The following TCF4 variants were observed in gnomAD, a reference collection of about 807,000 sequenced individuals.
TCF4 encodes the protein SL3-3 enhancer factor 2.
A neutral mutation model predicts 82.1 loss-of-function variants in TCF4; 3 were observed. The observed-to-expected ratio is 0.04, with a 90% CI of 0.02 to 0.09. The LOEUF is 0.09. Ranked by LOEUF, TCF4 falls within the 10% of genes least tolerant of loss-of-function variation. The pLI is 1.00. For missense variants in TCF4, 518 were observed against 852.7 expected (o/e 0.61, Z 4.89); for synonymous variants, 276 against 309.6 (o/e 0.89, Z 1.14).
At chr18:55,615,901 T>C (rs1185105386) in intron 2 of TCF4, among the ~76,000 whole-genome samples, 2 of 152,184 alleles carry the variant, frequency 1.3e-5, no homozygotes, top group Non-Finnish European at 2.9e-5. Context: ...TTTGATATGC[T>C]AAAATTTTGT....
chr18:55,254,842 T>C, intron 14 of TCF4, 142 bp from the exon 15 acceptor site: 1 of 809,384 alleles, frequency 1.2e-6, no homozygotes, highest in Non-Finnish European at 2.1e-6. Flanking sequence ...AAAACAATAA[T>C]ACAAATAGTG....
At position 55,280,213 on chromosome 18, in the gene TCF4, G is replaced by A. The variant is rs150247977; in HGVS notation, c.550-557C>T. On this transcript the variant is annotated intron_variant, in intron 8 of 19. Transcript: ENST00000354452. ...CATAGTGTCAGCTTTTTGCAGAGAT[G>A]CATGAAAAAGGCCATTAAAAGCCTG... is the stretch of plus-strand genomic sequence containing the variant. Among the ~76,000 whole-genome samples, 527 of 152,206 alleles carry A rather than the reference G, an allele frequency of 3.5e-3. 5 individuals are homozygous for A. The highest frequency in any genetic ancestry group is 0.012 in the African/African-American group (516 of 41,526).
Position 55,585,234 on chromosome 18 carries a change from A to G in TCF4, c.145+46T>C, listed in dbSNP as rs2097628410. On this transcript the variant is annotated intron_variant, in intron 3 of 19. Transcript: ENST00000354452. ...CAAAAACATACAATTGAGTAAATAA[A>G]CAGCCCAGAACATTTAACTTAACAC... 2.6e-6 allele frequency: 4 copies of G among 1,554,968 alleles called. No homozygotes were observed. The South Asian group carries it at 3.3e-5, about 13-fold the overall frequency.
At chr18:55,592,366 G>A (rs371078632), upstream of TCF4, among the ~76,000 whole-genome samples, 4 of 152,220 alleles carry the variant, frequency 2.6e-5, no homozygotes, top group East Asian at 5.8e-4. Flanking sequence ...TCTGGAGAGG[G>A]CTCTCTTCCT....
intron 3 of TCF4, among the ~76,000 whole-genome samples, chr18:55,470,981 T>A (rs1271230503): frequency 6.6e-6 from 1 of 152,128 alleles, no homozygotes; most frequent in African/African-American, 2.4e-5. Flanking sequence ...ACTGCGTACA[T>A]CTGTGGCTCC....
intron 3 of TCF4, among the ~76,000 whole-genome samples, chr18:55,533,470 A>T (rs2097088484): frequency 6.6e-6 from 1 of 152,214 alleles, no homozygotes; most frequent in Admixed American, 6.5e-5. Context: ...TTCTCTGGGC[A>T]CACAGCTGGA....
chr18:55,454,141 G>C (rs1295186809), intron 5 of TCF4, among the ~76,000 whole-genome samples: 4 of 152,128 alleles, frequency 2.6e-5, no homozygotes, highest in Non-Finnish European at 5.9e-5. Context: ...AGGATTACAG[G>C]CATGAGGCAC....
chr18:55,503,626 C>A (rs2096723316), intron 3 of TCF4, among the ~76,000 whole-genome samples: 1 of 152,150 alleles, frequency 6.6e-6, no homozygotes, highest in African/African-American at 2.4e-5. Context: ...AGAAAAATAA[C>A]CAGCTCAAGA....
chr18:55,293,401 CTT>C (rs1487834133), intron 8 of TCF4, among the ~76,000 whole-genome samples: 2 of 152,156 alleles, frequency 1.3e-5, no homozygotes, highest in Non-Finnish European at 2.9e-5. Flanking sequence ...CTCATGCTCT[CTT>C]TGTTAGCAAA....
intron 15 of TCF4, among the ~76,000 whole-genome samples, chr18:55,240,512 T>C (rs1303797251): frequency 6.6e-6 from 1 of 152,212 alleles, no homozygotes; most frequent in East Asian, 1.9e-4. Context: ...CAAAACACCA[T>C]TTAGTACAAA....
At chr18:55,379,485 G>A (rs1163773578) in intron 6 of TCF4, among the ~76,000 whole-genome samples, 1 of 152,178 alleles carries the variant, frequency 6.6e-6, no homozygotes. Context: ...GTGTCCCTGG[G>A]AAGCAGAGGA....
At chr18:55,519,878 G>A (rs933038206) in intron 3 of TCF4, among the ~76,000 whole-genome samples, 7 of 152,108 alleles carry the variant, frequency 4.6e-5, no homozygotes, top group South Asian at 2.1e-4. Context: ...TATAAAGTAC[G>A]AACTGTGGTT....
At chr18:55,377,969 T>C (rs2091163002) in intron 6 of TCF4, among the ~76,000 whole-genome samples, 1 of 152,204 alleles carries the variant, frequency 6.6e-6, no homozygotes, top group Non-Finnish European at 1.5e-5. Flanking sequence ...TACTGTGCCA[T>C]TTTGTAACTT....
At chr18:55,307,737 A>C (rs2070844616) in intron 8 of TCF4, among the ~76,000 whole-genome samples, 1 of 152,208 alleles carries the variant, frequency 6.6e-6, no homozygotes, top group Non-Finnish European at 1.5e-5. Context: ...ATGCTTCTCA[A>C]CACCATAATT....
intron 5 of TCF4, among the ~76,000 whole-genome samples, chr18:55,420,046 T>G (rs1173331617): frequency 6.6e-6 from 1 of 152,102 alleles, no homozygotes. Flanking sequence ...ATAACTCCAG[T>G]AAATGTGGCT....
At chr18:55,302,746 C>G (rs1367536073) in intron 8 of TCF4, 3 of 784,604 alleles carry the variant, frequency 3.8e-6, no homozygotes, top group Admixed American at 3.0e-5. Context: ...CCCAAATGAC[C>G]AGGCATGAGG....
At chr18:55,292,012 TAAG>T (rs937573120) in intron 8 of TCF4, among the ~76,000 whole-genome samples, 3 of 152,148 alleles carry the variant, frequency 2.0e-5, no homozygotes, top group Non-Finnish European at 4.4e-5. Flanking sequence ...AAAGATGAAT[TAAG>T]AAGGGCAATA....
intron 8 of TCF4, among the ~76,000 whole-genome samples, chr18:55,310,939 T>C (rs1048633266): frequency 1.3e-5 from 2 of 152,126 alleles, no homozygotes; most frequent in African/African-American, 4.8e-5. Context: ...AAGACAAATA[T>C]ATGTTTAGGG....
chr18:55,555,800 C>T (rs1262948535), intron 3 of TCF4, among the ~76,000 whole-genome samples: 2 of 151,850 alleles, frequency 1.3e-5, no homozygotes, highest in Admixed American at 6.6e-5. Context: ...TGTCTAAATC[C>T]ATTATCGGTG....
Sources: allele counts gnomAD v4.1 joint callset (sites outside exome capture counted in the v4.1 genomes callset), GRCh38; gene constraint gnomAD v4.1.1; transcripts MANE v1.5; gene names NCBI Gene and HGNC (gene_info 2026-07-23, HGNC 2026-07-21).